Variants in RLIG1 observed in about 807,000 individuals in gnomAD.
The protein encoded by RLIG1 is RNA ligase 1.
the RLIG1 span, chr12:88,048,456 A>AG: frequency 9.4e-7 from 1 of 1,058,422 alleles, no homozygotes; most frequent in Non-Finnish European, 1.3e-6. Flanking sequence ...ATTATATTCT[A>AG]ATCTTGAATA....
chr12:88,036,923 G>A, the RLIG1 span, among the ~76,000 whole-genome samples: 2 of 152,044 alleles, frequency 1.3e-5, no homozygotes, highest in East Asian at 1.9e-4. Flanking sequence ...TTTCAACTTC[G>A]TATGTTTGAG....
chr12:88,048,224 C>T, the RLIG1 span: 3 of 1,515,820 alleles, frequency 2.0e-6, no homozygotes, highest in Admixed American at 4.5e-5. Flanking sequence ...TACCTTTTTT[C>T]TCTTTCCAGG....
chr12:88,043,706 C>G, the RLIG1 span: 3 of 1,606,476 alleles, frequency 1.9e-6, no homozygotes, highest in Non-Finnish European at 2.6e-6. Context: ...TGAAAATGGA[C>G]ACATTCCTGG....
chr12:88,036,101 CTT>C, the RLIG1 span: 3 of 1,340,190 alleles, frequency 2.2e-6, no homozygotes, highest in East Asian at 1.4e-4. Context: ...AGCTTTACTA[CTT>C]TTCAAGAGTG....
chr12:88,045,721 A>G, the RLIG1 span: 2 of 1,613,158 alleles, frequency 1.2e-6, no homozygotes, highest in Non-Finnish European at 1.7e-6. Context: ...TGCCACTTTC[A>G]GATCTCTTAG....
At chr12:88,045,033 T>C in the RLIG1 span, 1 of 152,334 alleles carries the variant, frequency 6.6e-6, no homozygotes, top group African/African-American at 2.4e-5. Flanking sequence ...TAAAAGTGGG[T>C]TGGATTTCAC....
chr12:88,046,850 T>TG, the RLIG1 span: 1 of 1,613,010 alleles, frequency 6.2e-7, no homozygotes, highest in Non-Finnish European at 8.5e-7. Flanking sequence ...TTATACCACA[T>TG]GGAGCATTTC....
the RLIG1 span, chr12:88,048,968 C>G: frequency 8.7e-6 from 3 of 346,346 alleles, no homozygotes; most frequent in African/African-American, 6.3e-5. Context: ...CCAGAGCTCA[C>G]TGCCTATTTG....
At chr12:88,048,265 C>G in the RLIG1 span, 2 of 1,589,846 alleles carry the variant, frequency 1.3e-6, no homozygotes, top group South Asian at 2.3e-5. Flanking sequence ...TTATGCTGGC[C>G]AATTCCAGAT....
chr12:88,044,458 T>G, the RLIG1 span: 1 of 152,192 alleles, frequency 6.6e-6, no homozygotes, highest in Admixed American at 6.5e-5. Flanking sequence ...CGGCATGTCT[T>G]GAGTGCCCAT....
the RLIG1 span, chr12:88,040,306 TTTTC>T: frequency 5.9e-6 from 7 of 1,186,798 alleles, no homozygotes; most frequent in Non-Finnish European, 8.4e-6. Context: ...TATTACTTAT[TTTTC>T]TTAATCACTT....
At chr12:88,038,749 A>G in the RLIG1 span, among the ~76,000 whole-genome samples, 11 of 152,196 alleles carry the variant, frequency 7.2e-5, no homozygotes, top group Non-Finnish European at 2.9e-5. Context: ...AACTGAATCA[A>G]GGATAGAATA....
chr12:88,049,375 C>G, the RLIG1 span: 5 of 1,546,580 alleles, frequency 3.2e-6, no homozygotes, highest in Non-Finnish European at 4.4e-6. Flanking sequence ...AATGAAGGAT[C>G]AAAATTTTCC....
At chr12:88,040,362 T>C in the RLIG1 span, 1 of 661,296 alleles carries the variant, frequency 1.5e-6, no homozygotes, top group South Asian at 2.2e-5. Flanking sequence ...TCATAAACAC[T>C]TGGAAACCTA....
chr12:88,049,016 TAAG>T, the RLIG1 span: 9 of 424,528 alleles, frequency 2.1e-5, no homozygotes, highest in South Asian at 7.1e-4. Flanking sequence ...ACTTTTATAA[TAAG>T]TTGAAAATTT....
At chr12:88,047,152 G>T in the RLIG1 span, among the ~76,000 whole-genome samples, 4 of 152,080 alleles carry the variant, frequency 2.6e-5, no homozygotes, top group Admixed American at 6.6e-5. Flanking sequence ...GCTTCCCAGT[G>T]TGTATTGTGT....
At chr12:88,042,922 T>C in the RLIG1 span, 54 of 1,538,094 alleles carry the variant, frequency 3.5e-5, no homozygotes, top group Non-Finnish European at 4.4e-5. Flanking sequence ...ACCCAAAAGG[T>C]TAGTTTTTTT....
At chr12:88,047,033 T>G in the RLIG1 span, 2 of 1,422,114 alleles carry the variant, frequency 1.4e-6, no homozygotes, top group Non-Finnish European at 1.9e-6. Context: ...TACAATAGAG[T>G]AGAAGTGACA....
chr12:88,041,836 G>A, the RLIG1 span: 8 of 152,216 alleles, frequency 5.3e-5, no homozygotes, highest in East Asian at 1.3e-3. Context: ...TGAGAAAACT[G>A]TAAAAGATTT....
Sources: allele counts gnomAD v4.1 joint callset (sites outside exome capture counted in the v4.1 genomes callset), GRCh38; gene constraint gnomAD v4.1.1; transcripts MANE v1.5; gene names NCBI Gene and HGNC (gene_info 2026-07-23, HGNC 2026-07-21).